Variants in GFI1 observed in about 807,000 individuals in gnomAD.
The protein encoded by GFI1 is zinc finger protein Gfi-1.
In GFI1, 15 loss-of-function variants were observed where a neutral mutation model predicts 39.2. The ratio of observed to expected loss-of-function variants is 0.38; its 90% CI spans 0.26 to 0.59. GFI1 has a LOEUF of 0.59. Ranked by LOEUF, GFI1 falls within the 20% of genes least tolerant of loss-of-function variation. GFI1 has a pLI of 0.62. For missense variants in GFI1, 475 were observed against 574.0 expected (o/e 0.83, Z 1.76); for synonymous variants, 239 against 254.3 (o/e 0.94, Z 0.57).
rs937986078 is a variant in GFI1 at position 92,481,228 on chromosome 1, G to C, written c.299-140C>G. 4 of 791,800 alleles carry C rather than the reference G, an allele frequency of 5.1e-6. No homozygotes were observed. The African/African-American group carries it at 6.8e-5, about 13-fold the overall frequency. The allele number at this position is 791,800 out of a possible 1,614,324, so 49.0% of individuals were successfully genotyped here. On this transcript the variant is annotated intron_variant, in intron 3 of 6. Transcript: ENST00000294702. This position sits in a 1 kb window ranked among gnomAD's most constrained non-coding sequence, Gnocchi z 4.3. ...GAACACTGCGTGCGCCAGGTGCCAG[G>C]CTCGCCCCAGGGTAAAACGTGGCCC...
Position 92,482,770 on chromosome 1 carries a change from G to A in GFI1, c.298+94C>T. On this transcript the variant is annotated intron_variant, in intron 3 of 6. Transcript: ENST00000294702. The surrounding 1 kb of genome is among the most constrained non-coding windows in gnomAD (Gnocchi z 4.4). ...TCCCGGAAAGACTCTCCAACTCCCC[G>A]TTAGCATTTCTACGCCCAAGGTCGC... 1.0e-6 allele frequency: 1 copy of A among 970,676 alleles called. No individual in the cohort carries two copies. The highest frequency in any genetic ancestry group is 1.6e-6 in the Non-Finnish European group (1 of 607,380). The allele number at this position is 970,676 out of a possible 1,614,324, so 60.1% of individuals were successfully genotyped here.
chr1:92,476,109 C>A lies in GFI1; in HGVS notation c.1189G>T (p.Gly397Cys). Residue 397 changes from glycine to cysteine, a missense_variant, in exon 7 of 7, where the codon GGC (glycine) becomes TGC (cysteine). Gly to Cys is a radical substitution (Grantham distance 159, BLOSUM62 -3). Transcript: ENST00000294702. ...AAACCCTTCCCACAGAGGTCGCAGC[C>A]GAAGGGCTTGAAGCCTGTGTGTTTG... Reference protein sequence around the residue: ...SRKHTGFKPFGCDLCGKGFQR... With the variant: ...SRKHTGFKPFCCDLCGKGFQR... 2 of 1,614,022 alleles carry A rather than the reference C, an allele frequency of 1.2e-6. No homozygotes were observed. The highest frequency in any genetic ancestry group is 1.7e-6 in the Non-Finnish European group (2 of 1,179,986).
chr1:92,486,402 C>T (rs986366768), intron 1 of GFI1, among the ~76,000 whole-genome samples: 1 of 152,202 alleles, frequency 6.6e-6, no homozygotes, highest in African/African-American at 2.4e-5. Context: ...CTATTCTTGG[C>T]TCCAGGGAGA....
rs1267223160 is a variant in GFI1 at position 92,475,896 on chromosome 1, A to G, written c.*133T>C. ...TAAGGCGAAGGAGGAGCAACCTGGTAGGATCTGCAGACTGGACCTGGGGTC... is the reference window on the plus strand; with the variant it reads ...TAAGGCGAAGGAGGAGCAACCTGGTGGGATCTGCAGACTGGACCTGGGGTC... On this transcript the variant is annotated 3_prime_UTR_variant, in exon 7 of 7. Coordinates refer to ENST00000294702, the MANE Select transcript of GFI1 (RefSeq NM_005263.5). 5.0e-6 allele frequency: 4 copies of G among 795,084 alleles called. No individual in the cohort carries two copies. Among genetic ancestry groups the G allele is most frequent in the Non-Finnish European group, 8.5e-6 (4 of 471,214 alleles). The allele number at this position is 795,084 out of a possible 1,614,324, so 49.3% of individuals were successfully genotyped here.
chr1:92,475,603 A>T lies in GFI1; in HGVS notation c.*426T>A, dbSNP rs112572083. On this transcript the variant is annotated 3_prime_UTR_variant, in exon 7 of 7. Coordinates refer to ENST00000294702, the MANE Select transcript of GFI1 (RefSeq NM_005263.5). Reference sequence around the variant, plus strand: ...AATATTAGCATTTGTCCACCTTGTAAATGGTGATTCCTCCTCTTCCACACA... The same window carrying T: ...AATATTAGCATTTGTCCACCTTGTATATGGTGATTCCTCCTCTTCCACACA... 8.7e-4 allele frequency: 196 copies of T among 224,876 alleles called. 6 individuals carry two copies. The highest frequency in any genetic ancestry group is 2.5e-4 in the Non-Finnish European group (28 of 110,940). 13.9% of individuals were successfully genotyped at this position (224,876 alleles called of 1,614,324 possible).
chr1:92,479,108 C>T (rs983894283), intron 5 of GFI1, among the ~76,000 whole-genome samples: 5 of 152,210 alleles, frequency 3.3e-5, no homozygotes, highest in African/African-American at 1.2e-4. Context: ...TCAAGTGATT[C>T]GCCCACCTCG....
chr1:92,476,756 CTTTA>C (rs1658000120), intron 6 of GFI1, among the ~76,000 whole-genome samples: 1 of 151,724 alleles, frequency 6.6e-6, no homozygotes, highest in Non-Finnish European at 1.5e-5. Context: ...TTCTTTCTTT[CTTTA>C]TTTCTCTCTC....
rs1658427869 is a variant in GFI1 at position 92,484,287 on chromosome 1, C to A, written c.-99-701G>T. Among the ~76,000 whole-genome samples the A allele has an allele frequency of 6.6e-6, 1 of 152,160 alleles. No individual in the cohort carries two copies. Among genetic ancestry groups the A allele is most frequent in the Admixed American group, 6.5e-5 (1 of 15,278 alleles). Reference sequence around the variant, plus strand: ...AGGAGAAACTCGCATCTGGGTGATCCCACTCGCCCCTCACTAGTGCCCCAC... The same window carrying A: ...AGGAGAAACTCGCATCTGGGTGATCACACTCGCCCCTCACTAGTGCCCCAC... On this transcript the variant is annotated intron_variant, in intron 1 of 6. Transcript: ENST00000294702. The surrounding 1 kb of genome is among the most constrained non-coding windows in gnomAD (Gnocchi z 4.1).
chr1:92,484,518 C>G lies in GFI1; in HGVS notation c.-99-932G>C, dbSNP rs1354291366. The G allele has an allele frequency of 1.3e-5, 2 of 152,248 alleles. No homozygotes were observed. Among genetic ancestry groups the G allele is most frequent in the African/African-American group, 4.8e-5 (2 of 41,444 alleles). 9.4% of individuals were successfully genotyped at this position (152,248 alleles called of 1,614,324 possible). A position where few individuals can be genotyped will look rare whatever the true frequency, so the allele number is the denominator to read the frequency against. On this transcript the variant is annotated intron_variant, in intron 1 of 6. Coordinates refer to ENST00000294702, the MANE Select transcript of GFI1 (RefSeq NM_005263.5). This position sits in a 1 kb window ranked among gnomAD's most constrained non-coding sequence, Gnocchi z 4.1. ...CTGGGAAATGCTAGGTGTCCCGAGT[C>G]GGTAGTGCACCGACAATTTAGCAGA... is the stretch of plus-strand genomic sequence containing the variant.
rs934670995 is a variant in GFI1, at chr1:92,483,545, C to A, written c.-58G>T. On this transcript the variant is annotated 5_prime_UTR_variant, in exon 2 of 7. Coordinates refer to ENST00000294702, the MANE Select transcript of GFI1 (RefSeq NM_005263.5). ...GAGTCCCTGGAGCCGCTGTCACCCA[C>A]GGTCACTCCGAGGGCTTGCTCAGCC... 20 of 994,526 alleles carry A rather than the reference C, an allele frequency of 2.0e-5. No individual in the cohort carries two copies. In the African/African-American group the frequency reaches 2.7e-4, roughly 13 times the overall value. 61.6% of individuals were successfully genotyped at this position (994,526 alleles called of 1,614,324 possible).
chr1:92,482,525 T>C lies in GFI1; in HGVS notation c.298+339A>G, dbSNP rs1191031516. 6.6e-6 allele frequency among the ~76,000 whole-genome samples: 1 copy of C among 152,104 alleles called. No individual in the cohort carries two copies. Among genetic ancestry groups the C allele is most frequent in the Non-Finnish European group, 1.5e-5 (1 of 68,036 alleles). On this transcript the variant is annotated intron_variant, in intron 3 of 6. Coordinates refer to ENST00000294702, the MANE Select transcript of GFI1 (RefSeq NM_005263.5). This position sits in a 1 kb window ranked among gnomAD's most constrained non-coding sequence, Gnocchi z 4.4. ...TCTAGATTGCAGGATCCTAGCACTT[T>C]ATAAAACAGTCAGGTCTGGTCAGAA...
rs1159995645 is a variant in GFI1, at chr1:92,484,643, A to T, written c.-99-1057T>A. On this transcript the variant is annotated intron_variant, in intron 1 of 6. Transcript: ENST00000294702. The surrounding 1 kb of genome is among the most constrained non-coding windows in gnomAD (Gnocchi z 4.1). Reference sequence around the variant, plus strand: ...ACTAGCTGCCCGGGGCGTCGCTCTCATTAACCCCCAATCAGTTCACCTAAT... The same window carrying T: ...ACTAGCTGCCCGGGGCGTCGCTCTCTTTAACCCCCAATCAGTTCACCTAAT... 6.6e-6 allele frequency: 1 copy of T among 152,204 alleles called. No homozygotes were observed. Among genetic ancestry groups the T allele is most frequent in the Non-Finnish European group, 1.5e-5 (1 of 68,084 alleles). 9.4% of individuals were successfully genotyped at this position (152,204 alleles called of 1,614,324 possible). A position where few individuals can be genotyped will look rare whatever the true frequency, so the allele number is the denominator to read the frequency against.
At chr1:92,483,128 C>T in intron 2 of GFI1, 82 bp from the exon 3 acceptor site, 4 of 1,309,188 alleles carry the variant, frequency 3.1e-6, no homozygotes, top group Non-Finnish European at 4.1e-6. Context: ...ATCCCCCGAC[C>T]AGGGCAGCCG....
chr1:92,485,602 A>C (rs1658491404), intron 1 of GFI1, among the ~76,000 whole-genome samples: 1 of 152,126 alleles, frequency 6.6e-6, no homozygotes. Context: ...GCGCGTGGGA[A>C]GGCAACCCCG....
intron 6 of GFI1, among the ~76,000 whole-genome samples, chr1:92,477,275 T>C (rs2101559559): frequency 6.6e-6 from 1 of 152,346 alleles, no homozygotes; most frequent in Middle Eastern, 3.4e-3. Context: ...AATGTTTTAT[T>C]CAGTCAAGAT....
chr1:92,480,247 TCGAGGAGAAAACTTCCAG>T lies in GFI1; in HGVS notation c.924+83_924+100del, dbSNP rs1460618531. Reference sequence around the variant, plus strand: ...GCTTGGGGGAGGAAACTGGGGGAAGTCGAGGAGAAAACTTCCAGGCAGAGAGTGGCTGGTGCTGCACCG... The same window carrying T: ...GCTTGGGGGAGGAAACTGGGGGAAGTGCAGAGAGTGGCTGGTGCTGCACCG... On this transcript the variant is annotated intron_variant, in intron 5 of 6. Transcript: ENST00000294702. The surrounding 1 kb of genome is among the most constrained non-coding windows in gnomAD (Gnocchi z 5.6). The T allele has an allele frequency of 2.3e-6, 3 of 1,313,092 alleles. No homozygotes were observed. The Admixed American group carries it at 6.0e-5, about 26-fold the overall frequency. 81.3% of individuals were successfully genotyped at this position (1,313,092 alleles called of 1,614,324 possible).
chr1:92,478,023 A>G (rs1227958452), intron 6 of GFI1, among the ~76,000 whole-genome samples: 1 of 152,290 alleles, frequency 6.6e-6, no homozygotes, highest in East Asian at 1.9e-4. Context: ...AAATGGGGAG[A>G]AGGAGTAGTC....
chr1:92,478,063 A>G (rs1658047777), intron 6 of GFI1, among the ~76,000 whole-genome samples: 1 of 152,184 alleles, frequency 6.6e-6, no homozygotes, highest in South Asian at 2.1e-4. Flanking sequence ...GTGAGCATAA[A>G]ATGAAATAAT....
At position 92,474,553 on chromosome 1, in the gene GFI1, T is replaced by C. The variant is rs1457223073; in HGVS notation, c.*1476A>G. ...TGTACACCTCCTAGTTTTTCTCTTA[T>C]GAAAGAAGATGAAAGAAGTATCTCT... On this transcript the variant is annotated 3_prime_UTR_variant, in exon 7 of 7. Coordinates refer to ENST00000294702, the MANE Select transcript of GFI1 (RefSeq NM_005263.5). 6.6e-6 allele frequency among the ~76,000 whole-genome samples: 1 copy of C among 152,168 alleles called. No homozygotes were observed. The highest frequency in any genetic ancestry group is 6.5e-5 in the Admixed American group (1 of 15,276).
Sources: gnomAD v4.1 joint callset for allele counts (sites outside exome capture counted in the v4.1 genomes callset) on GRCh38, gnomAD v4.1.1 for gene constraint, Gnocchi (gnomAD v3.1) non-coding constraint, MANE v1.5 for transcripts, NCBI Gene and HGNC (gene_info 2026-07-23, HGNC 2026-07-21) for gene names.